The following SGCD variants were observed in gnomAD, a reference collection of about 807,000 sequenced individuals.
The protein encoded by SGCD is delta-sarcoglycan.
In SGCD, 18 loss-of-function variants were observed where a neutral mutation model predicts 36.6. The observed-to-expected ratio is 0.49, with a 90% CI of 0.34 to 0.73. The LOEUF (loss-of-function observed/expected upper bound fraction) is 0.73. Among genes scored for constraint, SGCD ranks in the 30% least tolerant of loss-of-function variants. The pLI, the probability that SGCD is intolerant of heterozygous loss-of-function variation, is 0.01. For synonymous variants in SGCD, 133 were observed against 130.6 expected, an observed-to-expected ratio of 1.02 and a Z score of -0.12; for missense variants, 387 against 346.7, an observed-to-expected ratio of 1.12 and a Z score of -0.92.
chr5:156,158,059 CTT>C (rs201396924), intron 3 of SGCD, among the ~76,000 whole-genome samples: 6 of 142,778 alleles, frequency 4.2e-5, no homozygotes, highest in African/African-American at 2.6e-5. Context: ...TGGTTTTTTG[CTT>C]TTTTTTTTTG....
intron 1 of SGCD, among the ~76,000 whole-genome samples, chr5:156,073,842 G>T (rs1000916030): frequency 6.6e-6 from 1 of 152,292 alleles, no homozygotes; most frequent in Admixed American, 6.5e-5. Context: ...AGTCCCATAT[G>T]TTCAGTTGAA....
intron 1 of SGCD, among the ~76,000 whole-genome samples, chr5:156,022,298 A>C (rs1759122423): frequency 6.6e-6 from 1 of 152,190 alleles, no homozygotes; most frequent in Non-Finnish European, 1.5e-5. Flanking sequence ...AAGCTTCTAA[A>C]AATACCTCAC....
intron 3 of SGCD, among the ~76,000 whole-genome samples, chr5:156,167,428 T>C (rs1763239445): frequency 6.6e-6 from 1 of 152,160 alleles, no homozygotes; most frequent in South Asian, 2.1e-4. Flanking sequence ...GTATAACACA[T>C]GGTAGATGCT....
chr5:155,860,685 G>A, the SGCD span, among the ~76,000 whole-genome samples: 8 of 152,266 alleles, frequency 5.3e-5, no homozygotes, highest in Admixed American at 3.9e-4. Flanking sequence ...TTGATGAGAT[G>A]CGTGCTTCGT....
intron 1 of SGCD, among the ~76,000 whole-genome samples, chr5:155,977,244 A>G (rs2127561304): frequency 6.6e-6 from 1 of 152,284 alleles, no homozygotes; most frequent in South Asian, 2.1e-4. Context: ...TAGTGTTCAC[A>G]TCACTTATTG....
chr5:155,759,014 AT>A, the SGCD span, among the ~76,000 whole-genome samples: 14 of 129,462 alleles, frequency 1.1e-4, no homozygotes, highest in South Asian at 2.3e-4. Flanking sequence ...TTTTATTTTT[AT>A]TTTTTTTTTA....
chr5:156,212,414 T>C (rs1465674126), intron 3 of SGCD, among the ~76,000 whole-genome samples: 1 of 152,168 alleles, frequency 6.6e-6, no homozygotes, highest in Non-Finnish European at 1.5e-5. Flanking sequence ...GGTCATTATA[T>C]AGTGATAAAG....
In SGCD at chr5:156,551,164, T is replaced by C. The variant is rs544761343; in HGVS notation, c.295-38067T>C. ...CTTTGCACTTCTTGTTCTTGCTACC[T>C]GTGGTATTTTAGTTGAGATATCCAC... On this transcript the variant is annotated intron_variant, in intron 4 of 8. Transcript: ENST00000337851. Among the ~76,000 whole-genome samples the C allele has an allele frequency of 2.6e-5, 4 of 152,344 alleles. No individual in the cohort carries two copies. The East Asian group carries it at 7.7e-4, about 29-fold the overall frequency.
intron 4 of SGCD, among the ~76,000 whole-genome samples, chr5:156,542,669 G>A (rs750723761): frequency 1.3e-5 from 2 of 152,174 alleles, no homozygotes; most frequent in Non-Finnish European, 2.9e-5. Context: ...GAGACATGGA[G>A]TAATTTGTCT....
the SGCD span, among the ~76,000 whole-genome samples, chr5:155,852,736 G>A: frequency 3.7e-4 from 56 of 152,226 alleles, no homozygotes; most frequent in Middle Eastern, 3.4e-3. Flanking sequence ...TTCTTTTAAC[G>A]TGGCGGGTTA....
At chr5:156,302,724 G>A (rs1426458531) in intron 3 of SGCD, among the ~76,000 whole-genome samples, 1 of 152,172 alleles carries the variant, frequency 6.6e-6, no homozygotes, top group Non-Finnish European at 1.5e-5. Flanking sequence ...ACTGAAGCTG[G>A]CTTGTAGAGG....
chr5:155,881,483 T>C (rs1755884700), intron 1 of SGCD, among the ~76,000 whole-genome samples: 1 of 152,162 alleles, frequency 6.6e-6, no homozygotes. Context: ...TAAAAGATGC[T>C]ACCAATCATC....
intron 3 of SGCD, among the ~76,000 whole-genome samples, chr5:156,269,433 G>A (rs1766098102): frequency 8.6e-6 from 1 of 115,890 alleles, no homozygotes; most frequent in Non-Finnish European, 1.6e-5. Context: ...TCATGCCATT[G>A]CACTCCAGCC....
chr5:155,780,854 A>G, the SGCD span, among the ~76,000 whole-genome samples: 1 of 152,202 alleles, frequency 6.6e-6, no homozygotes, highest in Non-Finnish European at 1.5e-5. Flanking sequence ...GAGAAATATA[A>G]CACTCTATGA....
intron 3 of SGCD, among the ~76,000 whole-genome samples, chr5:156,406,439 C>T (rs937978398): frequency 6.6e-6 from 1 of 152,028 alleles, no homozygotes; most frequent in Non-Finnish European, 1.5e-5. Flanking sequence ...CCTCTCCTCT[C>T]CTCTTCTCTT....
At chr5:155,943,319 A>C (rs1258218960) in intron 1 of SGCD, among the ~76,000 whole-genome samples, 1 of 151,520 alleles carries the variant, frequency 6.6e-6, no homozygotes, top group African/African-American at 2.5e-5. Flanking sequence ...CATCATTATC[A>C]TGCCATCCTA....
At chr5:156,428,954 C>A (rs947485833) in intron 3 of SGCD, among the ~76,000 whole-genome samples, 2 of 151,970 alleles carry the variant, frequency 1.3e-5, no homozygotes, top group Non-Finnish European at 2.9e-5. Context: ...TGTGACTTAG[C>A]ATATGGTCTA....
chr5:156,515,291 C>G (rs914500921), intron 4 of SGCD, among the ~76,000 whole-genome samples: 1 of 152,096 alleles, frequency 6.6e-6, no homozygotes, highest in Non-Finnish European at 1.5e-5. Context: ...TCAGTAATGA[C>G]GTTTTCACTC....
chr5:156,537,928 CCGTCTTTTCTTCCTGTGA>C (rs989107465), intron 4 of SGCD, among the ~76,000 whole-genome samples: 8 of 152,018 alleles, frequency 5.3e-5, no homozygotes, highest in Non-Finnish European at 1.2e-4. Context: ...GAAAGACATA[CCGTCTTTTCTTCCTGTGA>C]GGGTTAACTA....
Sources: allele counts gnomAD v4.1 joint callset (sites outside exome capture counted in the v4.1 genomes callset), GRCh38; gene constraint gnomAD v4.1.1; transcripts MANE v1.5; gene names NCBI Gene and HGNC (gene_info 2026-07-23, HGNC 2026-07-21).